The following SDK1 variants were observed in gnomAD, a reference collection of about 807,000 sequenced individuals.
The protein encoded by SDK1 is protein sidekick-1.
In SDK1, 157 loss-of-function variants were observed where a neutral mutation model predicts 245.5. That is an observed-to-expected ratio of 0.64 (90% confidence interval 0.56 to 0.73). The LOEUF (loss-of-function observed/expected upper bound fraction) is 0.73. Among genes scored for constraint, SDK1 ranks in the 30% least tolerant of loss-of-function variants. SDK1 has a pLI of 0.00. For missense variants in SDK1, 3,583 were observed against 3,002.3 expected, an observed-to-expected ratio of 1.19 and a Z score of -4.52; for synonymous variants, 1,647 against 1,278.5, an observed-to-expected ratio of 1.29 and a Z score of -6.15.
At chr7:3,369,199 C>G (rs574241961) in intron 1 of SDK1, among the ~76,000 whole-genome samples, 1 of 152,126 alleles carries the variant, frequency 6.6e-6, no homozygotes, top group Middle Eastern at 3.4e-3. Context: ...TGTGTGCTAC[C>G]ATGCTTGGCT....
intron 1 of SDK1, among the ~76,000 whole-genome samples, chr7:3,607,406 A>C (rs75363536): frequency 0.032 from 4,848 of 152,288 alleles, 233 homozygotes; most frequent in African/African-American, 0.1. Context: ...CGACTATACT[A>C]TATATTTTCT....
intron 7 of SDK1, among the ~76,000 whole-genome samples, chr7:3,954,894 A>G (rs1781134381): frequency 6.6e-6 from 1 of 152,042 alleles, no homozygotes; most frequent in African/African-American, 2.4e-5. Context: ...ATAATCAGTT[A>G]TGTGACACAC....
chr7:3,948,739 C>T (rs1780677622), intron 5 of SDK1, among the ~76,000 whole-genome samples: 2 of 152,202 alleles, frequency 1.3e-5, no homozygotes, highest in African/African-American at 4.8e-5. Context: ...TGGAGTCTGC[C>T]AGGAGCTGAG....
chr7:3,318,401 C>G (rs914388442), intron 1 of SDK1, among the ~76,000 whole-genome samples: 2 of 152,206 alleles, frequency 1.3e-5, no homozygotes, highest in African/African-American at 4.8e-5. Context: ...GAGTTAATCT[C>G]TCTCTCACAA....
chr7:3,662,160 C>G (rs998816205), intron 4 of SDK1, among the ~76,000 whole-genome samples: 16 of 149,706 alleles, frequency 1.1e-4, no homozygotes, highest in African/African-American at 3.7e-4. Context: ...TTTTCTTAAT[C>G]CTTTATTCGA....
rs1228710309 is a variant in SDK1, at chr7:4,131,956, A to G, written c.4130-369A>G. ...AAACCCAGTAAGGGAATCCGAGCTC[A>G]GATGAGGGAAATCCTTCCTCTCAAC... On this transcript the variant is annotated intron_variant, in intron 27 of 44. Transcript: ENST00000404826. Among the ~76,000 whole-genome samples the G allele has an allele frequency of 2.0e-5, 3 of 152,184 alleles. No individual in the cohort carries two copies. The East Asian group carries it at 5.8e-4, about 29-fold the overall frequency.
At chr7:3,406,662 A>G (rs1466283683) in intron 1 of SDK1, among the ~76,000 whole-genome samples, 1 of 151,998 alleles carries the variant, frequency 6.6e-6, no homozygotes, top group East Asian at 1.9e-4. Context: ...CCAACCTCCT[A>G]GTTTTTGGAT....
At chr7:4,235,919 G>T (rs2128236650) in intron 41 of SDK1, among the ~76,000 whole-genome samples, 1 of 152,372 alleles carries the variant, frequency 6.6e-6, no homozygotes, top group African/African-American at 2.4e-5. Flanking sequence ...CCTACCAGGT[G>T]CTGGGGTCAG....
At chr7:4,067,731 G>T in intron 19 of SDK1, 107 bp from the exon 20 acceptor site, 1 of 749,026 alleles carries the variant, frequency 1.3e-6, no homozygotes, top group Non-Finnish European at 2.2e-6. Flanking sequence ...GGGTTTTGCA[G>T]CCCCAGCTCA....
chr7:3,383,493 G>C (rs1022293485), intron 1 of SDK1, among the ~76,000 whole-genome samples: 1 of 152,128 alleles, frequency 6.6e-6, no homozygotes, highest in Admixed American at 6.5e-5. Context: ...AGCGGTTTTA[G>C]CCATCTCTTT....
chr7:3,465,763 G>A (rs1467662313), intron 1 of SDK1, among the ~76,000 whole-genome samples: 1 of 152,164 alleles, frequency 6.6e-6, no homozygotes, highest in Non-Finnish European at 1.5e-5. Context: ...AGACCACTGT[G>A]TTGGTGTTCT....
intron 3 of SDK1, among the ~76,000 whole-genome samples, chr7:3,639,633 A>G (rs1782588677): frequency 6.6e-6 from 1 of 152,132 alleles, no homozygotes; most frequent in Non-Finnish European, 1.5e-5. Context: ...TTTAAAAGTA[A>G]ACAAAGGAGA....
chr7:4,192,475 C>T (rs1783265478), intron 35 of SDK1, among the ~76,000 whole-genome samples: 1 of 152,150 alleles, frequency 6.6e-6, no homozygotes, highest in South Asian at 2.1e-4. Context: ...CAGGGTTTCA[C>T]TGTGTTAGCC....
chr7:3,609,104 T>A (rs944044183), intron 1 of SDK1, among the ~76,000 whole-genome samples: 9 of 152,224 alleles, frequency 5.9e-5, no homozygotes, highest in African/African-American at 2.2e-4. Flanking sequence ...TTCATAAATG[T>A]CTTTTGTATT....
chr7:3,656,010 G>T (rs572809288), intron 4 of SDK1, among the ~76,000 whole-genome samples: 1 of 152,296 alleles, frequency 6.6e-6, no homozygotes, highest in Admixed American at 6.5e-5. Flanking sequence ...AGTACGCATG[G>T]TGTGGTGGGA....
intron 1 of SDK1, among the ~76,000 whole-genome samples, chr7:3,602,777 C>G (rs1781292069): frequency 6.6e-6 from 1 of 152,136 alleles, no homozygotes; most frequent in Non-Finnish European, 1.5e-5. Flanking sequence ...ATGGTATTGC[C>G]TAGGTTTTCT....
intron 4 of SDK1, among the ~76,000 whole-genome samples, chr7:3,808,890 A>AT (rs1779316258): frequency 6.6e-6 from 1 of 152,106 alleles, no homozygotes; most frequent in Non-Finnish European, 1.5e-5. Flanking sequence ...ATATTGATTT[A>AT]TTTTCATCTT....
At chr7:3,869,067 A>C (rs1780893117) in intron 5 of SDK1, among the ~76,000 whole-genome samples, 2 of 152,178 alleles carry the variant, frequency 1.3e-5, no homozygotes, top group African/African-American at 4.8e-5. Flanking sequence ...ACTGGGCTGC[A>C]AAGCGTTGTC....
At chr7:4,117,764 G>A (rs1356918480) in intron 25 of SDK1, among the ~76,000 whole-genome samples, 8 of 152,174 alleles carry the variant, frequency 5.3e-5, no homozygotes, top group Non-Finnish European at 1.0e-4. Flanking sequence ...ACACTGGGCA[G>A]GCCATGCAGT....
Sources: gnomAD v4.1 joint callset for allele counts (sites outside exome capture counted in the v4.1 genomes callset) on GRCh38, gnomAD v4.1.1 for gene constraint, MANE v1.5 for transcripts, NCBI Gene and HGNC (gene_info 2026-07-23, HGNC 2026-07-21) for gene names.